FITM2: variants seen among roughly 807,000 people sequenced by gnomAD.
FITM2 encodes fat storage inducing transmembrane protein 2.
FITM2 carries 16 observed loss-of-function variants against 23.3 expected under a neutral mutation model. The ratio of observed to expected loss-of-function variants is 0.69; its 90% confidence interval spans 0.47 to 1.05. The LOEUF (loss-of-function observed/expected upper bound fraction) is 1.05, where lower values mean the gene tolerates loss of function less well. Ranked by LOEUF, FITM2 falls within the 50% of genes least tolerant of loss-of-function variation. The pLI is 0.00. For missense variants in FITM2, 273 were observed against 327.5 expected, an observed-to-expected ratio of 0.83 and a Z score of 1.29; for synonymous variants, 132 against 142.0, an observed-to-expected ratio of 0.93 and a Z score of 0.50.
At chr20:44,309,329 A>G (rs1204210603) in intron 1 of FITM2, among the ~76,000 whole-genome samples, 6 of 152,098 alleles carry the variant, frequency 3.9e-5, no homozygotes, top group Non-Finnish European at 5.9e-5. Context: ...ACAGGCACGC[A>G]CCACCACGCC....
At position 44,306,542 on chromosome 20, in the gene FITM2, A is replaced by G; in HGVS notation, c.*83T>C. On this transcript the variant is annotated 3_prime_UTR_variant, in exon 2 of 2. Coordinates refer to ENST00000396825, the MANE Select transcript of FITM2 (RefSeq NM_001080472.4). ...ACACTTTCCCTCTGAAGTAGGATCA[A>G]TAATTTAGCCAAATAACTAAGCAAA... is the stretch of plus-strand genomic sequence containing the variant. 3.3e-6 allele frequency: 5 copies of G among 1,537,054 alleles called. No homozygotes were observed. In the South Asian group the frequency reaches 5.1e-5, roughly 16 times the overall value.
Position 44,306,961 on chromosome 20 carries a change from G to T in FITM2, c.453C>A (p.Asp151Glu). ...HQEGGFWHGF[D>E]ISGHSFLLTF... ...TCAGCAGGAAGGAGTGACCTGAGAT[G>T]TCAAAGCCATGCCAAAAGCCCCCTT... is the stretch of plus-strand genomic sequence containing the variant. The change falls in exon 2 of 2, where the codon GAC (aspartate) becomes GAA (glutamate). Residue 151 changes from aspartate to glutamate, a missense_variant. Around this residue, in one of 3 missense-constraint regions of FITM2, gnomAD observed 117 missense variants for 183.3 expected, o/e 0.64. Transcript: ENST00000396825. 1 of 1,614,212 alleles carries T rather than the reference G, an allele frequency of 6.2e-7. No homozygotes were observed. Among genetic ancestry groups the T allele is most frequent in the Non-Finnish European group, 8.5e-7 (1 of 1,180,044 alleles).
In FITM2 at chr20:44,307,228, T is replaced by C; in HGVS notation, c.186A>G (p.Lys62=). ...GACAGAACGTCCAGGCCCAGGCCAC[T>C]TTGACAAAATACCTGACAGAGGAGG... is the stretch of plus-strand genomic sequence containing the variant. ...KRNVLNVYFV[K]VAWAWTFCLL... is the part of the protein sequence containing the mutation. The change falls in exon 2 of 2, where the codon AAA becomes AAG. Residue 62 remains lysine, a synonymous_variant. Transcript: ENST00000396825. The C allele has an allele frequency of 1.2e-6, 2 of 1,613,700 alleles. No homozygotes were observed. Among genetic ancestry groups the C allele is most frequent in the South Asian group, 1.1e-5 (1 of 91,060 alleles).
chr20:44,306,962 T>C lies in FITM2; in HGVS notation c.452A>G (p.Asp151Gly). ...CAGCAGGAAGGAGTGACCTGAGATG[T>C]CAAAGCCATGCCAAAAGCCCCCTTC... The part of the protein sequence containing the change: ...HQEGGFWHGF[D>G]ISGHSFLLTF... Residue 151 changes from aspartate to glycine, a missense_variant, in exon 2 of 2, where the codon GAC becomes GGC. Coordinates refer to ENST00000396825, the MANE Select transcript of FITM2 (RefSeq NM_001080472.4). 6.2e-7 allele frequency: 1 copy of C among 1,614,150 alleles called. No homozygotes were observed. Among genetic ancestry groups the C allele is most frequent in the Non-Finnish European group, 8.5e-7 (1 of 1,180,028 alleles).
chr20:44,309,089 G>A (rs1206986542), intron 1 of FITM2, among the ~76,000 whole-genome samples: 1 of 151,814 alleles, frequency 6.6e-6, no homozygotes, highest in Middle Eastern at 3.2e-3. Flanking sequence ...CCGCCTCCCG[G>A]GTTCAAGCAA....
chr20:44,309,977 T>G (rs1398074422), intron 1 of FITM2, among the ~76,000 whole-genome samples: 1 of 152,068 alleles, frequency 6.6e-6, no homozygotes, highest in Non-Finnish European at 1.5e-5. Flanking sequence ...AGAAGGACTT[T>G]TTTCTAGGTT....
Position 44,305,555 on chromosome 20 carries a change from G to C in FITM2, c.*1070C>G, listed in dbSNP as rs1234456386. 2.6e-5 allele frequency: 4 copies of C among 152,144 alleles called. No homozygotes were observed. The highest frequency in any genetic ancestry group is 9.7e-5 in the African/African-American group (4 of 41,440). 9.4% of individuals were successfully genotyped at this position (152,144 alleles called of 1,614,324 possible). A position where few individuals can be genotyped will look rare whatever the true frequency, so the allele number is the denominator to read the frequency against. ...AACCCTGCCTGAGCCGGGCGCGGTG[G>C]CTCATGCCTGTAATCCCAGCACTTT... On this transcript the variant is annotated 3_prime_UTR_variant, in exon 2 of 2. Coordinates refer to ENST00000396825, the MANE Select transcript of FITM2 (RefSeq NM_001080472.4).
chr20:44,308,491 C>T (rs1241755638), intron 1 of FITM2, among the ~76,000 whole-genome samples: 1 of 152,074 alleles, frequency 6.6e-6, no homozygotes, highest in Non-Finnish European at 1.5e-5. Context: ...TTGGATAGCC[C>T]CCAGACTCAT....
chr20:44,307,457 G>A (rs539537993), intron 1 of FITM2, among the ~76,000 whole-genome samples: 27 of 151,866 alleles, frequency 1.8e-4, no homozygotes, highest in Non-Finnish European at 2.9e-4. Flanking sequence ...ACAGAGTCTC[G>A]CTCTGTCACT....
In FITM2 at chr20:44,307,125, G is replaced by A. The variant is rs370337504; in HGVS notation, c.289C>T (p.Leu97=). ...TACCAGATGGCCGTGCCCACAAGCA[G>A]GGTGCTCAGCCGCCGCAGGACCAAG... ...AGLVLRRLST[L]LVGTAIWYIC... Residue 97 remains leucine (L), a synonymous_variant, in exon 2 of 2, where the codon CTG becomes TTG. Transcript: ENST00000396825. The A allele has an allele frequency of 8.1e-6, 13 of 1,614,218 alleles. No homozygotes were observed. Among genetic ancestry groups the A allele is most frequent in the Non-Finnish European group, 1.1e-5 (13 of 1,180,028 alleles).
At position 44,304,338 on chromosome 20, in the gene FITM2, A is replaced by C. The variant is rs571978502; in HGVS notation, c.*2287T>G. 2 of 152,316 alleles carry C rather than the reference A, an allele frequency of 1.3e-5. No individual in the cohort carries two copies. Among genetic ancestry groups the C allele is most frequent in the Admixed American group, 6.5e-5 (1 of 15,288 alleles). The allele number at this position is 152,316 out of a possible 1,614,324, so 9.4% of individuals were successfully genotyped here. ...CAAGGGGCTCAGTTTGAAAGGCTTA[A>C]GGAGACAGTCTGGGAGAGAAGAGGG... On this transcript the variant is annotated 3_prime_UTR_variant, in exon 2 of 2. Transcript: ENST00000396825.
At position 44,302,999 on chromosome 20, in the gene FITM2, G is replaced by A. The variant is rs995691805; in HGVS notation, c.*3626C>T. 35 of 151,980 alleles carry A rather than the reference G, an allele frequency of 2.3e-4. No individual in the cohort carries two copies. The highest frequency in any genetic ancestry group is 3.4e-3 in the Middle Eastern group (1 of 294). 9.4% of individuals were successfully genotyped at this position (151,980 alleles called of 1,614,324 possible). A position where few individuals can be genotyped will look rare whatever the true frequency, so the allele number is the denominator to read the frequency against. On this transcript the variant is annotated 3_prime_UTR_variant, in exon 2 of 2. Transcript: ENST00000396825. ...GCGTCAGTGAATTAATCTCAACATA[G>A]AAAGGCAAAATAAGCATGGCAGTAT...
chr20:44,307,106 A>C lies in FITM2; in HGVS notation c.308T>G (p.Ile103Ser). The C allele has an allele frequency of 6.2e-7, 1 of 1,614,192 alleles. No homozygotes were observed. The highest frequency in any genetic ancestry group is 8.5e-7 in the Non-Finnish European group (1 of 1,180,030). Residue 103 changes from isoleucine to serine, a missense_variant, in exon 2 of 2, where the codon ATC becomes AGC. Transcript: ENST00000396825. ...GAAGATGGAGGTGCAGATGTACCAG[A>C]TGGCCGTGCCCACAAGCAGGGTGCT... ...RLSTLLVGTA[I>S]WYICTSIFSN...
At chr20:44,308,817 A>G (rs1296241122) in intron 1 of FITM2, among the ~76,000 whole-genome samples, 1 of 152,120 alleles carries the variant, frequency 6.6e-6, no homozygotes, top group East Asian at 1.9e-4. Flanking sequence ...TGCTGGGATT[A>G]TAGATATGAG....
In FITM2 at chr20:44,303,826, T is replaced by C. The variant is rs1419017129; in HGVS notation, c.*2799A>G. 6.6e-6 allele frequency: 1 copy of C among 152,196 alleles called. No homozygotes were observed. The highest frequency in any genetic ancestry group is 1.5e-5 in the Non-Finnish European group (1 of 68,114). 9.4% of individuals were successfully genotyped at this position (152,196 alleles called of 1,614,324 possible). On this transcript the variant is annotated 3_prime_UTR_variant, in exon 2 of 2. Transcript: ENST00000396825. ...TTTTAGTCGAGACGGGGTTTTATCA[T>C]GTTGGCTAGGCTGGCCCAACCTCAA...
chr20:44,306,754 C>T lies in FITM2; in HGVS notation c.660G>A (p.Val220=), dbSNP rs755429222. The part of the protein sequence containing the change: ...AVYFHNLSQK[V]FGTLFGLLSW... The stretch of plus-strand genomic sequence containing the variant: ...TCAGCAAACCAAACAAGGTGCCAAA[C>T]ACCTTCTGGGACAAGTTGTGGAAAT... The change falls in exon 2 of 2, where the codon GTG becomes GTA. Residue 220 remains valine (V), a synonymous_variant. Transcript: ENST00000396825. The T allele has an allele frequency of 2.5e-6, 4 of 1,614,166 alleles. No individual in the cohort carries two copies. The highest frequency in any genetic ancestry group is 3.3e-4 in the Middle Eastern group (2 of 6,062).
chr20:44,307,384 G>C (rs2062693697), intron 1 of FITM2, 144 bp from the exon 2 acceptor site: 5 of 904,070 alleles, frequency 5.5e-6, no homozygotes, highest in Admixed American at 5.8e-5. Context: ...CATGTTTTAG[G>C]TACTTACCAT....
Position 44,307,176 on chromosome 20 carries a change from T to A in FITM2, c.238A>T (p.Asn80Tyr), listed in dbSNP as rs2062693018. 1 of 1,613,974 alleles carries A rather than the reference T, an allele frequency of 6.2e-7. No homozygotes were observed. Among genetic ancestry groups the A allele is most frequent in the African/African-American group, 1.3e-5 (1 of 74,904 alleles). Residue 80 changes from asparagine to tyrosine, a missense_variant, in exon 2 of 2, where the codon AAC (asparagine) becomes TAC (tyrosine). Physicochemically the swap from Asn to Tyr is moderately radical, Grantham distance 143 (BLOSUM62 -2). This residue lies in a region of FITM2 where 123 missense variants were observed against 117.9 expected (regional missense o/e 1.04). Transcript: ENST00000396825. ...CCAGCCTTGCCGGTCAGATGGTAGTTGGTGAGGGCAATGAAAGGCAGAAGG... is the reference window on the plus strand; with the variant it reads ...CCAGCCTTGCCGGTCAGATGGTAGTAGGTGAGGGCAATGAAAGGCAGAAGG... ...CLLLPFIALTNYHLTGKAGLV... is the reference protein window; with the variant it reads ...CLLLPFIALTYYHLTGKAGLV...
Position 44,311,174 on chromosome 20 carries a change from C to T in FITM2, c.-26G>A. On this transcript the variant is annotated 5_prime_UTR_variant, in exon 1 of 2. Transcript: ENST00000396825. ...GCCGGATCTCGTCAGCCACCGTCCT[C>T]CTCTCCGTGCCCTCTCGGCCACCGT... 1 of 1,600,738 alleles carries T rather than the reference C, an allele frequency of 6.2e-7. No homozygotes were observed. The highest frequency in any genetic ancestry group is 8.5e-7 in the Non-Finnish European group (1 of 1,172,442).
Sources: gnomAD v4.1 joint callset for allele counts (sites outside exome capture counted in the v4.1 genomes callset) on GRCh38, gnomAD v4.1.1 for gene constraint, gnomAD v4.1.1 regional missense constraint, MANE v1.5 for transcripts, NCBI Gene and HGNC (gene_info 2026-07-23, HGNC 2026-07-21) for gene names.